SAR1B: variants seen among roughly 807,000 people sequenced by gnomAD.
SAR1B encodes the protein secretion associated Ras related GTPase 1B.
A neutral mutation model predicts 26.8 loss-of-function variants in SAR1B; 23 were observed. That is an observed-to-expected ratio of 0.86 (90% CI 0.62 to 1.22). The LOEUF is 1.22. SAR1B is among the 50% of genes most tolerant of loss of function. SAR1B has a pLI of 0.00. For synonymous variants in SAR1B, 65 were observed against 80.8 expected, an observed-to-expected ratio of 0.80 and a Z score of 1.05; for missense variants, 196 against 232.8, an observed-to-expected ratio of 0.84 and a Z score of 1.03.
intron 3 of SAR1B, among the ~76,000 whole-genome samples, chr5:134,619,775 C>G (rs1459607679): frequency 6.6e-6 from 1 of 152,056 alleles, no homozygotes; most frequent in South Asian, 2.1e-4. Context: ...AACTGGTTAA[C>G]AAATTGAGTT....
At position 134,603,156 on chromosome 5, in the gene SAR1B, T is replaced by G. The variant is rs942252178; in HGVS notation, c.*3794A>C. Reference sequence around the variant, plus strand: ...TCCAAATTAAATGAACAGAAGGAATTTTGAGAGATTTCCCCTTATGTAGCT... The same window carrying G: ...TCCAAATTAAATGAACAGAAGGAATGTTGAGAGATTTCCCCTTATGTAGCT... On this transcript the variant is annotated 3_prime_UTR_variant, in exon 7 of 7. Transcript: ENST00000402673. 4.6e-5 allele frequency: 7 copies of G among 152,234 alleles called. No individual in the cohort carries two copies. Among genetic ancestry groups the G allele is most frequent in the Admixed American group, 6.5e-5 (1 of 15,278 alleles). The allele number at this position is 152,234 out of a possible 1,614,324, so 9.4% of individuals were successfully genotyped here.
rs1287810753 is a variant in SAR1B at position 134,608,429 on chromosome 5, G to A, written c.423C>T (p.Ala141=). ...ILGNKIDRPE[A]ISEERLREMF... The stretch of plus-strand genomic sequence containing the variant: ...TCTCTCGCAACCTCTCTTCACTGAT[G>A]GCTTCAGGTCTGTCGATCTTATTCC... The change falls in exon 6 of 7, where the codon GCC becomes GCT. Residue 141 remains alanine (A), a synonymous_variant. Transcript: ENST00000402673. The A allele has an allele frequency of 9.3e-6, 15 of 1,609,144 alleles. No homozygotes were observed. The highest frequency in any genetic ancestry group is 1.3e-5 in the Non-Finnish European group (15 of 1,178,296).
At chr5:134,620,174 T>C (rs1486245944) in intron 3 of SAR1B, among the ~76,000 whole-genome samples, 1 of 151,710 alleles carries the variant, frequency 6.6e-6, no homozygotes, top group Admixed American at 6.6e-5. Context: ...GGCGTGGTGG[T>C]GGGTGCCTGT....
rs1182816928 is a variant in SAR1B at position 134,601,363 on chromosome 5, T to C, written c.*5587A>G. The C allele has an allele frequency of 1.3e-5, 2 of 152,156 alleles. No individual in the cohort carries two copies. The highest frequency in any genetic ancestry group is 6.6e-5 in the Admixed American group (1 of 15,258). The allele number at this position is 152,156 out of a possible 1,614,324, so 9.4% of individuals were successfully genotyped here. ...ATAATCTGTATACACTGTAAAACAATTGAAAATTCACACCAAGATCCTAGT... is the reference window on the plus strand; with the variant it reads ...ATAATCTGTATACACTGTAAAACAACTGAAAATTCACACCAAGATCCTAGT... On this transcript the variant is annotated 3_prime_UTR_variant, in exon 7 of 7. Transcript: ENST00000402673.
At chr5:134,613,009 C>A in intron 3 of SAR1B, 1 of 491,064 alleles carries the variant, frequency 2.0e-6, no homozygotes, top group African/African-American at 2.0e-5. Context: ...CCCTGGCATA[C>A]TTACACTGGT....
intron 1 of SAR1B, among the ~76,000 whole-genome samples, chr5:134,625,173 G>A (rs985355385): frequency 6.6e-6 from 1 of 152,148 alleles, no homozygotes; most frequent in Non-Finnish European, 1.5e-5. Context: ...AATTTTTGAG[G>A]AGCAGAGCAA....
chr5:134,619,566 G>A (rs1381508931), intron 3 of SAR1B, among the ~76,000 whole-genome samples: 1 of 151,430 alleles, frequency 6.6e-6, no homozygotes, highest in African/African-American at 2.4e-5. Context: ...GTCTCAGTAT[G>A]TTGCCCAGGC....
chr5:134,618,032 T>C (rs560805547), intron 3 of SAR1B, among the ~76,000 whole-genome samples: 3 of 152,204 alleles, frequency 2.0e-5, no homozygotes, highest in Non-Finnish European at 4.4e-5. Flanking sequence ...AAAAAAGATT[T>C]GTTGGCCGGG....
chr5:134,612,021 C>A (rs1016429222), intron 4 of SAR1B, among the ~76,000 whole-genome samples: 1 of 152,036 alleles, frequency 6.6e-6, no homozygotes, highest in African/African-American at 2.4e-5. Context: ...TTTTTAAAAG[C>A]CCAGAAAAGT....
At chr5:134,609,297 AAT>A (rs1291685987) in intron 5 of SAR1B, among the ~76,000 whole-genome samples, 2 of 152,180 alleles carry the variant, frequency 1.3e-5, no homozygotes, top group Middle Eastern at 3.2e-3. Context: ...ACAGACATGA[AAT>A]ATACTAAAAG....
chr5:134,603,184 T>C lies in SAR1B; in HGVS notation c.*3766A>G, dbSNP rs565707049. 4.6e-5 allele frequency: 7 copies of C among 152,356 alleles called. No individual in the cohort carries two copies. In the South Asian group the frequency reaches 1.4e-3, roughly 32 times the overall value. 9.4% of individuals were successfully genotyped at this position (152,356 alleles called of 1,614,324 possible). A position where few individuals can be genotyped will look rare whatever the true frequency, so the allele number is the denominator to read the frequency against. On this transcript the variant is annotated 3_prime_UTR_variant, in exon 7 of 7. Coordinates refer to ENST00000402673, the MANE Select transcript of SAR1B (RefSeq NM_016103.4). ...GAGAGATTTCCCCTTATGTAGCTAT[T>C]CTCAGTGCACTCTGGTCAAATTTTA... is the stretch of plus-strand genomic sequence containing the variant.
chr5:134,610,649 G>A (rs1471282646), intron 4 of SAR1B, among the ~76,000 whole-genome samples: 2 of 146,648 alleles, frequency 1.4e-5, no homozygotes, highest in African/African-American at 5.1e-5. Context: ...GAGGTGGGAG[G>A]ATGGAGCCCA....
chr5:134,613,210 G>A (rs950859413), intron 3 of SAR1B: 8 of 191,952 alleles, frequency 4.2e-5, no homozygotes, highest in Admixed American at 1.2e-4. Context: ...AATGGAAACC[G>A]GACACAGCAG....
chr5:134,620,032 C>T (rs1405742914), intron 3 of SAR1B, among the ~76,000 whole-genome samples: 1 of 151,974 alleles, frequency 6.6e-6, no homozygotes, highest in African/African-American at 2.4e-5. Flanking sequence ...GAAGCCTGGG[C>T]GCGGTGGCTC....
Position 134,608,408 on chromosome 5 carries a change from T to C in SAR1B, c.444A>G (p.Arg148=), listed in dbSNP as rs1162270122. The C allele has an allele frequency of 1.2e-6, 2 of 1,601,156 alleles. No homozygotes were observed. The highest frequency in any genetic ancestry group is 2.7e-5 in the African/African-American group (2 of 74,692). The change falls in exon 6 of 7, where the codon CGA becomes CGG. Residue 148 remains arginine, a synonymous_variant. Coordinates refer to ENST00000402673, the MANE Select transcript of SAR1B (RefSeq NM_016103.4). ...TCTGACCATATAAACCAAACATCTC[T>C]CGCAACCTCTCTTCACTGATGGCTT... ...RPEAISEERL[R]EMFGLYGQTT... is the part of the protein sequence containing the mutation.
rs957121304 is a variant in SAR1B, at chr5:134,612,695, A to C, written c.240T>G (p.Val80=). The change falls in exon 4 of 7, where the codon GTT becomes GTG. Residue 80 remains valine, a synonymous_variant. Transcript: ENST00000402673. The stretch of plus-strand genomic sequence containing the variant: ...AAAAAAAAAAAAGAATCTTACCTTG[A>C]ACATGTCCACCCAGATCAAAAGTTG... ...TFTTFDLGGH[V]QARRVWKNYL... The C allele has an allele frequency of 8.3e-7, 1 of 1,201,588 alleles. No homozygotes were observed. Among genetic ancestry groups the C allele is most frequent in the African/African-American group, 1.6e-5 (1 of 61,456 alleles). 74.4% of individuals were successfully genotyped at this position (1,201,588 alleles called of 1,614,324 possible).
Position 134,606,117 on chromosome 5 carries a change from G to GT in SAR1B, c.*832dup, listed in dbSNP as rs1193215629. ...CTACCAAACTGAGAATCAACCTTGT[G>GT]TACCATAAATGTGCTTTTCTTCAGA... is the stretch of plus-strand genomic sequence containing the variant. On this transcript the variant is annotated 3_prime_UTR_variant, in exon 7 of 7. Transcript: ENST00000402673. 1 of 152,290 alleles carries GT rather than the reference G, an allele frequency of 6.6e-6. No homozygotes were observed. The highest frequency in any genetic ancestry group is 6.5e-5 in the Admixed American group (1 of 15,274). 9.4% of individuals were successfully genotyped at this position (152,290 alleles called of 1,614,324 possible).
rs34365859 is a variant in SAR1B, at chr5:134,612,641, TAAAAAAAAAAAAAAAAAAAAAAAAAAA to T, written c.244+23_244+49del. On this transcript the variant is annotated intron_variant, in intron 4 of 6. Transcript: ENST00000402673. ...GCCTGGGAGACAGAGTGAGCCTGTC[TAAAAAAAAAAAAAAAAAAAAAAAAAAA>T]AAAAAAAAAAAAAGAATCTTACCTT... 38 of 767,808 alleles carry T rather than the reference TAAAAAAAAAAAAAAAAAAAAAAAAAAA, an allele frequency of 4.9e-5. 1 individual carries two copies. Among genetic ancestry groups the T allele is most frequent in the African/African-American group, 1.4e-4 (3 of 22,112 alleles). 47.6% of individuals were successfully genotyped at this position (767,808 alleles called of 1,614,324 possible).
At chr5:134,630,539 T>C (rs1051464650) in intron 1 of SAR1B, among the ~76,000 whole-genome samples, 1 of 151,342 alleles carries the variant, frequency 6.6e-6, no homozygotes, top group Admixed American at 6.6e-5. Flanking sequence ...TCCAAGCACT[T>C]TAGGAGGCCA....
Sources: allele counts gnomAD v4.1 joint callset (sites outside exome capture counted in the v4.1 genomes callset), GRCh38; gene constraint gnomAD v4.1.1; transcripts MANE v1.5; gene names NCBI Gene and HGNC (gene_info 2026-07-23, HGNC 2026-07-21).